AKR1C3: variants seen among roughly 807,000 people sequenced by gnomAD.
AKR1C3 encodes 3-alpha hydroxysteroid dehydrogenase, type II.
AKR1C3 carries 48 observed loss-of-function variants against 43.6 expected under a neutral mutation model. That is an observed-to-expected ratio of 1.10 (90% CI 0.87 to 1.40). AKR1C3 has a LOEUF of 1.40. Among genes scored for constraint, AKR1C3 ranks in the 40% most tolerant of loss-of-function variants. AKR1C3 has a pLI of 0.00. For missense variants in AKR1C3, 482 were observed against 391.2 expected (o/e 1.23, Z -1.96); for synonymous variants, 162 against 139.6 (o/e 1.16, Z -1.13).
In AKR1C3 at chr10:5,098,015, C is replaced by T. The variant is rs982500325; in HGVS notation, c.369+465C>T. The T allele has an allele frequency of 8.0e-6, 8 of 1,005,640 alleles. 1 individual carries two copies. The highest frequency in any genetic ancestry group is 4.7e-6 in the Non-Finnish European group (4 of 844,312). 62.3% of individuals were successfully genotyped at this position (1,005,640 alleles called of 1,614,324 possible). A position where few individuals can be genotyped will look rare whatever the true frequency, so the allele number is the denominator to read the frequency against. On this transcript the variant is annotated intron_variant, in intron 3 of 8. Coordinates refer to ENST00000380554, the MANE Select transcript of AKR1C3 (RefSeq NM_003739.6). ...ATTAGAAACCCTTAATGTGGACTTGCAAAGCTTTATTATTCTGCTGCCTCT... is the reference window on the plus strand; with the variant it reads ...ATTAGAAACCCTTAATGTGGACTTGTAAAGCTTTATTATTCTGCTGCCTCT...
At chr10:5,091,258 G>A (rs574192766), upstream of AKR1C3, among the ~76,000 whole-genome samples, 9 of 152,210 alleles carry the variant, frequency 5.9e-5, no homozygotes, top group Admixed American at 3.9e-4. Flanking sequence ...CTGAAATTAC[G>A]TCCAAATTAG....
intron 3 of AKR1C3, 199 bp downstream of exon 3, chr10:5,097,749 G>C (rs1345955966): frequency 1.5e-6 from 2 of 1,362,482 alleles, no homozygotes; most frequent in Admixed American, 3.0e-5. Flanking sequence ...TACAAGAGAA[G>C]AGAGTACAGC....
At chr10:5,052,169 A>G (rs1375797062) in intron 1 of AKR1C3, among the ~76,000 whole-genome samples, 2 of 152,140 alleles carry the variant, frequency 1.3e-5, no homozygotes, top group Admixed American at 6.5e-5. Context: ...GCAGACCTAC[A>G]TGGTGAGTGT....
chr10:5,077,277 G>T (rs372195990), intron 1 of AKR1C3, among the ~76,000 whole-genome samples: 1 of 152,068 alleles, frequency 6.6e-6, no homozygotes, highest in Non-Finnish European at 1.5e-5. Flanking sequence ...AGAGAAGAGG[G>T]TCTGTATGGA....
intron 1 of AKR1C3, among the ~76,000 whole-genome samples, chr10:5,060,276 G>T (rs7068715): frequency 0.014 from 2,138 of 152,262 alleles, 25 homozygotes; most frequent in Non-Finnish European, 0.023. Context: ...TGGCCAGCCT[G>T]CTTTTATTCT....
At chr10:5,097,248 C>T (rs1367091514) in intron 2 of AKR1C3, among the ~76,000 whole-genome samples, 186 bp from the exon 3 acceptor site, 1 of 151,956 alleles carries the variant, frequency 6.6e-6, no homozygotes, top group East Asian at 1.9e-4. Flanking sequence ...AACTATACAT[C>T]CAACGTATAA....
chr10:5,087,950 G>A (rs1348034960), intron 1 of AKR1C3, among the ~76,000 whole-genome samples: 3 of 151,864 alleles, frequency 2.0e-5, no homozygotes, highest in Non-Finnish European at 2.9e-5. Flanking sequence ...ATCTTTTCAG[G>A]GAGGGTTTAA....
chr10:5,065,332 T>C (rs1317513805), intron 1 of AKR1C3, among the ~76,000 whole-genome samples: 3 of 152,204 alleles, frequency 2.0e-5, no homozygotes, highest in Non-Finnish European at 4.4e-5. Context: ...CTGTTCACAA[T>C]AGCATAGTCA....
At chr10:5,102,005 A>G in intron 5 of AKR1C3, 96 bp from the exon 6 acceptor site, 1 of 772,828 alleles carries the variant, frequency 1.3e-6, no homozygotes, top group South Asian at 1.6e-5. Flanking sequence ...ATATAATGCT[A>G]TACTGATTAT....
rs782337935 is a variant in AKR1C3 at position 5,098,815 on chromosome 10, T to C, written c.383T>C (p.Leu128Pro). ...CTTCTATTTCAGCCAGGTGAGGAAC[T>C]TTCACCAACAGATGAAAATGGAAAA... Reference protein sequence around the residue: ...SPMSLKPGEELSPTDENGKVI... With the variant: ...SPMSLKPGEEPSPTDENGKVI... Residue 128 changes from leucine (L) to proline (P), a missense_variant, in exon 4 of 9, where the codon CTT (leucine) becomes CCT (proline). Transcript: ENST00000380554. 111 of 1,613,608 alleles carry C rather than the reference T, an allele frequency of 6.9e-5. No individual in the cohort carries two copies. The East Asian group carries it at 1.5e-3, about 22-fold the overall frequency.
At chr10:5,106,520 G>A (rs4584485) in intron 8 of AKR1C3, among the ~76,000 whole-genome samples, 30,395 of 152,114 alleles carry the variant, frequency 0.2, 3,907 homozygotes, top group East Asian at 0.63. Context: ...GGAGGCTGAG[G>A]TGGGCAGATC....
chr10:5,083,710 C>A (rs1554782656), intron 1 of AKR1C3, among the ~76,000 whole-genome samples: 2 of 152,074 alleles, frequency 1.3e-5, no homozygotes, highest in African/African-American at 4.8e-5. Flanking sequence ...TAAAAGTGTT[C>A]CTATTTCTCC....
Position 5,063,764 on chromosome 10 carries a change from G to GAAA in AKR1C3, c.84+14869_84+14870insAAA, listed in dbSNP as rs1406943359. On this transcript the variant is annotated intron_variant, in intron 1 of 8. Coordinates refer to the AKR1C3 transcript ENST00000439082. Reference sequence around the variant, plus strand: ...GAGGACAGAGGTAGTCTCTGTCTCAGCAAAAAAAAAAAAAAAAAAAAAAAA... The same window carrying GAAA: ...GAGGACAGAGGTAGTCTCTGTCTCAGAAACAAAAAAAAAAAAAAAAAAAAAAAA... Among the ~76,000 whole-genome samples the GAAA allele has an allele frequency of 2.1e-4, 7 of 33,446 alleles. No homozygotes were observed. The South Asian group carries it at 3.0e-3, about 14-fold the overall frequency. 21.9% of individuals were successfully genotyped at this position (33,446 alleles called of 152,430 possible).
intron 1 of AKR1C3, among the ~76,000 whole-genome samples, chr10:5,072,415 T>A (rs1838629593): frequency 6.6e-6 from 1 of 152,206 alleles, no homozygotes; most frequent in African/African-American, 2.4e-5. Context: ...AGAGACCTTT[T>A]CTTCTATGCT....
chr10:5,053,953 G>A (rs782467866), intron 1 of AKR1C3, among the ~76,000 whole-genome samples: 77 of 152,306 alleles, frequency 5.1e-4, no homozygotes, highest in Non-Finnish European at 1.0e-3. Context: ...GGGCCCAAAG[G>A]CAAGTAACAG....
At chr10:5,090,417 T>C (rs1839065456), upstream of AKR1C3, among the ~76,000 whole-genome samples, 2 of 152,088 alleles carry the variant, frequency 1.3e-5, no homozygotes, top group South Asian at 4.1e-4. Flanking sequence ...CTTGTGACTC[T>C]CAGTTCAGAT....
At chr10:5,093,002 T>A (rs1336498153), upstream of AKR1C3, among the ~76,000 whole-genome samples, 1 of 152,088 alleles carries the variant, frequency 6.6e-6, no homozygotes, top group African/African-American at 2.4e-5. Flanking sequence ...CATAAAACCC[T>A]AAGGCCTTGT....
chr10:5,104,820 T>G (rs1350294431), intron 7 of AKR1C3, among the ~76,000 whole-genome samples: 1 of 152,172 alleles, frequency 6.6e-6, no homozygotes, highest in Non-Finnish European at 1.5e-5. Flanking sequence ...TGAAAATTAT[T>G]AGAACCTCTT....
chr10:5,107,334 A>G (rs1181714788), intron 8 of AKR1C3, 127 bp from the exon 9 acceptor site: 2 of 681,848 alleles, frequency 2.9e-6, no homozygotes, highest in Non-Finnish European at 2.6e-6. Flanking sequence ...TAAAGGTAAG[A>G]AAGGCAGATT....
Sources: gnomAD v4.1 joint callset for allele counts (sites outside exome capture counted in the v4.1 genomes callset) on GRCh38, gnomAD v4.1.1 for gene constraint, MANE v1.5 for transcripts, NCBI Gene and HGNC (gene_info 2026-07-23, HGNC 2026-07-21) for gene names.